The following SKAP1 variants were observed in gnomAD, a reference collection of about 807,000 sequenced individuals.
SKAP1 encodes the protein src kinase-associated phosphoprotein 1.
A neutral mutation model predicts 58.5 loss-of-function variants in SKAP1; 44 were observed. That is an observed-to-expected ratio of 0.75 (90% CI 0.59 to 0.97). The LOEUF (loss-of-function observed/expected upper bound fraction) is 0.97. Among genes scored for constraint, SKAP1 ranks in the 50% least tolerant of loss-of-function variants. SKAP1 has a pLI of 0.00. For missense variants in SKAP1, 390 were observed against 435.2 expected (o/e 0.90, Z 0.92); for synonymous variants, 127 against 149.7 (o/e 0.85, Z 1.11).
At chr17:48,211,540 C>T (rs1440387448) in intron 4 of SKAP1, among the ~76,000 whole-genome samples, 1 of 152,182 alleles carries the variant, frequency 6.6e-6, no homozygotes, top group Non-Finnish European at 1.5e-5. Context: ...ATTTATATAT[C>T]TCTTATATAT....
At chr17:48,182,258 A>T in intron 8 of SKAP1, 136 bp downstream of exon 8, 1 of 657,128 alleles carries the variant, frequency 1.5e-6, no homozygotes. Flanking sequence ...TTGTTGTAAT[A>T]TGGGGAATGT....
chr17:48,261,823 GA>G (rs35542714), intron 4 of SKAP1, among the ~76,000 whole-genome samples: 31,787 of 151,944 alleles, frequency 0.21, 3,333 homozygotes, highest in Admixed American at 0.22. Flanking sequence ...TATGGTGGGG[GA>G]AAAAACCATA....
At chr17:48,355,927 A>G (rs2066870997) in intron 3 of SKAP1, among the ~76,000 whole-genome samples, 1 of 152,170 alleles carries the variant, frequency 6.6e-6, no homozygotes. Context: ...GCTGTTTTAT[A>G]CCATCATCAG....
At chr17:48,179,222 GA>G (rs1313125334) in intron 9 of SKAP1, among the ~76,000 whole-genome samples, 1 of 152,154 alleles carries the variant, frequency 6.6e-6, no homozygotes, top group African/African-American at 2.4e-5. Flanking sequence ...GCAGAGCACT[GA>G]ACTCCTGGCA....
At chr17:48,413,387 G>A (rs2067689624) in intron 1 of SKAP1, among the ~76,000 whole-genome samples, 1 of 150,852 alleles carries the variant, frequency 6.6e-6, no homozygotes, top group African/African-American at 2.4e-5. Context: ...GGTGGCACAT[G>A]CCTGTAATCC....
chr17:48,344,903 C>T (rs2066702506), intron 4 of SKAP1, among the ~76,000 whole-genome samples: 1 of 152,094 alleles, frequency 6.6e-6, no homozygotes, highest in African/African-American at 2.4e-5. Context: ...AAATTATAAG[C>T]TCTTGAAATC....
At chr17:48,381,133 TG>T (rs1162658406) in intron 2 of SKAP1, among the ~76,000 whole-genome samples, 1 of 152,242 alleles carries the variant, frequency 6.6e-6, no homozygotes, top group African/African-American at 2.4e-5. Context: ...AACCATTTTC[TG>T]CCTTCCAGTG....
intron 4 of SKAP1, among the ~76,000 whole-genome samples, chr17:48,245,735 G>T (rs1320420760): frequency 6.6e-6 from 1 of 152,166 alleles, no homozygotes; most frequent in Non-Finnish European, 1.5e-5. Flanking sequence ...CAACACTTTG[G>T]GAGGTCAAGG....
chr17:48,212,145 A>G (rs912963523), intron 4 of SKAP1, among the ~76,000 whole-genome samples: 14 of 151,942 alleles, frequency 9.2e-5, no homozygotes, highest in Admixed American at 2.6e-4. Context: ...CCCACTGGAA[A>G]GAAAGAAAAT....
intron 3 of SKAP1, among the ~76,000 whole-genome samples, chr17:48,351,795 A>G (rs2066805324): frequency 6.6e-6 from 1 of 152,162 alleles, no homozygotes; most frequent in African/African-American, 2.4e-5. Context: ...AATGGAGCCA[A>G]ATTGATTAGA....
intron 4 of SKAP1, among the ~76,000 whole-genome samples, chr17:48,220,296 A>T (rs968411451): frequency 6.6e-6 from 1 of 152,238 alleles, no homozygotes; most frequent in African/African-American, 2.4e-5. Context: ...GCAGAAAAAA[A>T]CCATACGTTT....
At chr17:48,385,055 T>C (rs2144494771) in intron 2 of SKAP1, among the ~76,000 whole-genome samples, 1 of 152,270 alleles carries the variant, frequency 6.6e-6, no homozygotes, top group Admixed American at 6.5e-5. Flanking sequence ...GGAGAATTCA[T>C]GAGAATCAAT....
intron 2 of SKAP1, among the ~76,000 whole-genome samples, chr17:48,386,326 G>GTTA (rs1567893783): frequency 1.6e-4 from 21 of 133,704 alleles, no homozygotes; most frequent in African/African-American, 5.8e-4. Flanking sequence ...TTTTTTTTTG[G>GTTA]TGACTATAAG....
At chr17:48,320,154 T>C (rs1191355056) in intron 4 of SKAP1, among the ~76,000 whole-genome samples, 1 of 152,130 alleles carries the variant, frequency 6.6e-6, no homozygotes, top group Non-Finnish European at 1.5e-5. Context: ...TGATATCTAT[T>C]ATTACCAAGA....
chr17:48,375,992 C>T (rs566238064), intron 2 of SKAP1, among the ~76,000 whole-genome samples: 74 of 152,216 alleles, frequency 4.9e-4, no homozygotes, highest in African/African-American at 1.6e-3. Flanking sequence ...GTCAGAGACG[C>T]CTTTCGGTTC....
intron 6 of SKAP1, 197 bp from the exon 7 acceptor site, chr17:48,185,044 G>A (rs1259770749): frequency 2.3e-5 from 12 of 529,618 alleles, no homozygotes; most frequent in Non-Finnish European, 2.0e-5. Context: ...CCAAGCTAGG[G>A]AAATGCAACG....
intron 4 of SKAP1, among the ~76,000 whole-genome samples, chr17:48,244,193 C>G (rs1228332471): frequency 4.6e-5 from 7 of 152,194 alleles, no homozygotes. Flanking sequence ...TGGCAGCTTT[C>G]CTGGACTATA....
intron 4 of SKAP1, among the ~76,000 whole-genome samples, chr17:48,285,720 C>T (rs944606400): frequency 1.3e-5 from 2 of 151,944 alleles, no homozygotes; most frequent in African/African-American, 4.8e-5. Context: ...TTTTTTTCTC[C>T]ACCAGAAATC....
At chr17:48,190,988 A>AGT (rs2064536549) in intron 4 of SKAP1, among the ~76,000 whole-genome samples, 1 of 152,254 alleles carries the variant, frequency 6.6e-6, no homozygotes, top group Non-Finnish European at 1.5e-5. Flanking sequence ...TCGTCTCAAA[A>AGT]CAAAACAAAC....
Sources: gnomAD v4.1 joint callset for allele counts (sites outside exome capture counted in the v4.1 genomes callset) on GRCh38, gnomAD v4.1.1 for gene constraint, MANE v1.5 for transcripts, NCBI Gene and HGNC (gene_info 2026-07-23, HGNC 2026-07-21) for gene names.